ARL6IP6: variants seen among roughly 807,000 people sequenced by gnomAD.
ARL6IP6 encodes ADP-ribosylation factor-like protein 6-interacting protein 6.
ARL6IP6 carries 22 observed loss-of-function variants against 21.5 expected under a neutral mutation model. That is an observed-to-expected ratio of 1.02 (90% CI 0.73 to 1.46). The LOEUF (loss-of-function observed/expected upper bound fraction) is 1.46, where lower values mean the gene tolerates loss of function less well. Ranked by LOEUF, ARL6IP6 falls within the 40% of genes most tolerant of loss-of-function variation. The pLI is 0.00. For synonymous variants in ARL6IP6, 164 were observed against 125.3 expected (o/e 1.31, Z -2.06); for missense variants, 388 against 299.8 (o/e 1.29, Z -2.17).
intron 1 of ARL6IP6, 163 bp from the exon 2 acceptor site, chr2:152,720,370 G>A: frequency 4.5e-6 from 3 of 664,958 alleles, no homozygotes; most frequent in South Asian, 1.7e-5. Context: ...ACATTAATTT[G>A]CTTGCTGAAG....
At chr2:152,747,977 T>C (rs1202078140) in intron 3 of ARL6IP6, among the ~76,000 whole-genome samples, 1 of 152,168 alleles carries the variant, frequency 6.6e-6, no homozygotes, top group East Asian at 1.9e-4. Context: ...TTGGGATTAC[T>C]GGCATGAGTC....
intron 3 of ARL6IP6, among the ~76,000 whole-genome samples, chr2:152,749,322 C>A (rs549706186): frequency 4.6e-5 from 7 of 151,462 alleles, no homozygotes; most frequent in South Asian, 2.1e-4. Context: ...AAAACACACA[C>A]ACACACACAC....
chr2:152,743,348 T>C (rs1011524216), intron 3 of ARL6IP6, among the ~76,000 whole-genome samples: 1 of 152,218 alleles, frequency 6.6e-6, no homozygotes, highest in African/African-American at 2.4e-5. Flanking sequence ...TGATGGGTCG[T>C]ATTGCTGACA....
upstream of ARL6IP6, chr2:152,718,247 A>G (rs891061508): frequency 3.3e-6 from 1 of 303,880 alleles, no homozygotes; most frequent in Non-Finnish European, 5.1e-6. Context: ...CCGGCGTCGA[A>G]AAGATGAGGC....
intron 2 of ARL6IP6, 109 bp downstream of exon 2, chr2:152,720,695 C>T (rs1286271438): frequency 2.0e-6 from 2 of 978,128 alleles, no homozygotes; most frequent in Non-Finnish European, 3.1e-6. Context: ...TATGTGCAGT[C>T]ATTCAGTCTT....
intron 3 of ARL6IP6, among the ~76,000 whole-genome samples, chr2:152,742,289 T>A (rs537046533): frequency 6.6e-6 from 1 of 152,132 alleles, no homozygotes; most frequent in Non-Finnish European, 1.5e-5. Flanking sequence ...AATCGTGGGC[T>A]GGGCATGGTG....
intron 3 of ARL6IP6, among the ~76,000 whole-genome samples, chr2:152,740,585 A>G (rs1700762920): frequency 6.6e-6 from 1 of 152,054 alleles, no homozygotes; most frequent in African/African-American, 2.4e-5. Flanking sequence ...ATGTGTATAT[A>G]TATTTGTGTA....
At chr2:152,753,699 CTTTTTT>C (rs138584533) in intron 3 of ARL6IP6, among the ~76,000 whole-genome samples, 7 of 107,370 alleles carry the variant, frequency 6.5e-5, no homozygotes, top group Admixed American at 9.9e-5. Flanking sequence ...TTCAGGTCCT[CTTTTTT>C]TTTTTTTTTT....
At chr2:152,721,694 T>C (rs181434997) in intron 2 of ARL6IP6, among the ~76,000 whole-genome samples, 1 of 152,210 alleles carries the variant, frequency 6.6e-6, no homozygotes, top group African/African-American at 2.4e-5. Context: ...ATGACACATG[T>C]CCTCCCCTCT....
Position 152,735,055 on chromosome 2 carries a change from G to T in ARL6IP6, c.516G>T (p.Trp172Cys). The stretch of plus-strand genomic sequence containing the variant: ...GATTCTCCTGTTGCAGCTTTTCTTG[G>T]ACAGTGACTTACTTTGATTCTTTTG... ...TAGFSCCSFSWTVTYFDSFEP... is the reference protein window; with the variant it reads ...TAGFSCCSFSCTVTYFDSFEP... The change falls in exon 3 of 4, where the codon TGG becomes TGT. Residue 172 changes from tryptophan to cysteine, a missense_variant. Coordinates refer to ENST00000326446, the MANE Select transcript of ARL6IP6 (RefSeq NM_152522.7). 6.2e-7 allele frequency: 1 copy of T among 1,613,286 alleles called. No individual in the cohort carries two copies. The highest frequency in any genetic ancestry group is 1.1e-5 in the South Asian group (1 of 91,052).
chr2:152,742,872 G>A (rs1452517467), intron 3 of ARL6IP6, among the ~76,000 whole-genome samples: 1 of 152,120 alleles, frequency 6.6e-6, no homozygotes, highest in East Asian at 1.9e-4. Context: ...CCAAGTCTCA[G>A]AAGTTTAAGC....
chr2:152,730,639 T>C lies in ARL6IP6; in HGVS notation c.455-4355T>C, dbSNP rs552142049. 2.0e-5 allele frequency among the ~76,000 whole-genome samples: 3 copies of C among 152,282 alleles called. No individual in the cohort carries two copies. The South Asian group carries it at 6.2e-4, about 32-fold the overall frequency. ...GGGTTGAGGTGCTAGAGGTGGATAC[T>C]GTGCCAGGATATTGGGGTGAAGGTG... On this transcript the variant is annotated intron_variant, in intron 2 of 3. Coordinates refer to ENST00000326446, the MANE Select transcript of ARL6IP6 (RefSeq NM_152522.7).
intron 3 of ARL6IP6, among the ~76,000 whole-genome samples, chr2:152,752,564 T>C (rs1288467170): frequency 6.6e-6 from 1 of 151,980 alleles, no homozygotes; most frequent in Non-Finnish European, 1.5e-5. Flanking sequence ...CTCCGCAGGG[T>C]GGAATTGGGC....
chr2:152,719,644 G>C (rs1369325369), intron 1 of ARL6IP6, among the ~76,000 whole-genome samples: 1 of 151,434 alleles, frequency 6.6e-6, no homozygotes, highest in Non-Finnish European at 1.5e-5. Flanking sequence ...TTATTGCAAG[G>C]CATACGGTTG....
intron 2 of ARL6IP6, among the ~76,000 whole-genome samples, chr2:152,728,022 C>T (rs1041950581): frequency 3.3e-5 from 5 of 152,132 alleles, no homozygotes; most frequent in African/African-American, 1.2e-4. Context: ...ATCTTTTTCT[C>T]TTTGTTTACA....
chr2:152,718,916 A>T lies in ARL6IP6; in HGVS notation c.292A>T (p.Arg98Ter). ...NGIFPAAAGS[R>*]AQPRRWPVQV... is the part of the protein sequence containing the mutation. ...TATCTTTCCCGCGGCCGCGGGCAGCAGAGCCCAGCCTCGGCGGTGGCCGGT... is the reference window on the plus strand; with the variant it reads ...TATCTTTCCCGCGGCCGCGGGCAGCTGAGCCCAGCCTCGGCGGTGGCCGGT... The change falls in exon 1 of 4, where the codon AGA becomes TGA. Residue 98 changes from arginine to a stop codon, truncating the protein, a stop_gained. Transcript: ENST00000326446. LOFTEE classifies it high-confidence loss of function. 6.2e-7 allele frequency: 1 copy of T among 1,613,942 alleles called. No homozygotes were observed. Among genetic ancestry groups the T allele is most frequent in the Non-Finnish European group, 8.5e-7 (1 of 1,179,912 alleles).
chr2:152,727,911 A>G (rs1337691316), intron 2 of ARL6IP6, among the ~76,000 whole-genome samples: 2 of 152,188 alleles, frequency 1.3e-5, no homozygotes, highest in Admixed American at 6.5e-5. Flanking sequence ...CATTGTTAGT[A>G]TCATAAAATG....
chr2:152,737,762 C>T (rs2105137257), intron 3 of ARL6IP6, among the ~76,000 whole-genome samples: 1 of 152,298 alleles, frequency 6.6e-6, no homozygotes, highest in Non-Finnish European at 1.5e-5. Context: ...CACGGTCCCT[C>T]CCACAACACA....
intron 3 of ARL6IP6, among the ~76,000 whole-genome samples, chr2:152,747,083 G>T (rs983863962): frequency 2.0e-5 from 3 of 151,990 alleles, no homozygotes; most frequent in Non-Finnish European, 2.9e-5. Context: ...TCCTGGCCTA[G>T]TCTCCCAAGG....
Sources: gnomAD v4.1 joint callset for allele counts (sites outside exome capture counted in the v4.1 genomes callset) on GRCh38, gnomAD v4.1.1 for gene constraint, MANE v1.5 for transcripts, NCBI Gene and HGNC (gene_info 2026-07-23, HGNC 2026-07-21) for gene names.